FAM24B: variants seen among roughly 807,000 people sequenced by gnomAD.
FAM24B encodes protein FAM24B.
FAM24B carries 3 observed loss-of-function variants against 2.3 expected under a neutral mutation model. The ratio of observed to expected loss-of-function variants is 1.29; its 90% CI spans 0.59 to 3.32. The LOEUF (loss-of-function observed/expected upper bound fraction) is 3.32, where lower values mean the gene tolerates loss of function less well. Among genes scored for constraint, FAM24B ranks in the 30% most tolerant of loss-of-function variants. The probability of loss-of-function intolerance (pLI) is 0.03; values close to 1 mark genes in which losing one functional copy is unlikely to be tolerated. For synonymous variants in FAM24B, 36 were observed against 46.3 expected (o/e 0.78, Z 0.90); for missense variants, 98 against 117.2 (o/e 0.84, Z 0.76).
rs143127941 is a variant in FAM24B at position 122,865,987 on chromosome 10, C to T, written c.-177-10201G>A. On this transcript the variant is annotated intron_variant, in intron 1 of 3. Coordinates refer to ENST00000368898, the MANE Select transcript of FAM24B (RefSeq NM_152644.3). ...GTGCAATCTTGGCTCACTGCAACCT[C>T]TGCCTCCCGGGTTCAAGCGATTCTC... is the stretch of plus-strand genomic sequence containing the variant. Among the ~76,000 whole-genome samples, 1,183 of 151,654 alleles carry T rather than the reference C, an allele frequency of 7.8e-3. 21 individuals are homozygous for T. Among genetic ancestry groups the T allele is most frequent in the African/African-American group, 0.027 (1,128 of 41,330 alleles).
intron 1 of FAM24B, among the ~76,000 whole-genome samples, chr10:122,875,416 G>T (rs1847962079): frequency 6.6e-6 from 1 of 152,182 alleles, no homozygotes; most frequent in African/African-American, 2.4e-5. Context: ...TGCATCATAT[G>T]TAAGAATGGT....
intron 1 of FAM24B, among the ~76,000 whole-genome samples, chr10:122,869,738 A>G (rs1237591452): frequency 1.3e-5 from 2 of 152,230 alleles, no homozygotes; most frequent in Admixed American, 1.3e-4. Context: ...GAAACCAACG[A>G]GAACAAAGAC....
chr10:122,862,964 G>T (rs1204778947), intron 1 of FAM24B, among the ~76,000 whole-genome samples: 1 of 151,934 alleles, frequency 6.6e-6, no homozygotes, highest in East Asian at 1.9e-4. Context: ...TCAAGCAGAA[G>T]GGCCAGCTTG....
intron 1 of FAM24B, 71 bp downstream of exon 1, chr10:122,879,414 C>A (rs991212659): frequency 1.3e-5 from 2 of 152,312 alleles, no homozygotes; most frequent in Non-Finnish European, 2.9e-5. Context: ...AAGGCCCTGG[C>A]GTCCACTCGG....
At chr10:122,867,170 T>C (rs1847816452) in intron 1 of FAM24B, among the ~76,000 whole-genome samples, 1 of 152,208 alleles carries the variant, frequency 6.6e-6, no homozygotes, top group Admixed American at 6.5e-5. Context: ...CCTAACTCTC[T>C]TCAATTCTGT....
At chr10:122,850,219 A>G (rs1014861913) in intron 3 of FAM24B, among the ~76,000 whole-genome samples, 20 of 152,116 alleles carry the variant, frequency 1.3e-4, no homozygotes, top group African/African-American at 4.6e-4. Flanking sequence ...CCCAGCCAGG[A>G]AGAAAAAAAA....
chr10:122,865,778 A>AT (rs562414206), intron 1 of FAM24B, among the ~76,000 whole-genome samples: 130 of 147,670 alleles, frequency 8.8e-4, no homozygotes, highest in Middle Eastern at 3.5e-3. Context: ...GTAATTATTA[A>AT]TTTTTTTTTT....
intron 3 of FAM24B, 66 bp from the exon 4 acceptor site, chr10:122,849,505 G>A: frequency 6.9e-7 from 1 of 1,441,658 alleles, no homozygotes; most frequent in Non-Finnish European, 9.4e-7. Flanking sequence ...TGTTAGAACT[G>A]TTGGGGGGTA....
chr10:122,866,081 T>C (rs1413131420), intron 1 of FAM24B, among the ~76,000 whole-genome samples: 1 of 152,042 alleles, frequency 6.6e-6, no homozygotes, highest in Non-Finnish European at 1.5e-5. Flanking sequence ...TTTTTATTTT[T>C]AGTAGAGATG....
At chr10:122,868,426 TAG>T (rs1247683746) in intron 1 of FAM24B, among the ~76,000 whole-genome samples, 5 of 151,988 alleles carry the variant, frequency 3.3e-5, no homozygotes, top group Non-Finnish European at 7.4e-5. Flanking sequence ...TCAGGAAATA[TAG>T]AGAACGCCAC....
intron 1 of FAM24B, among the ~76,000 whole-genome samples, chr10:122,862,862 A>G (rs1265605073): frequency 6.6e-6 from 1 of 152,084 alleles, no homozygotes; most frequent in Non-Finnish European, 1.5e-5. Context: ...ATTTAGCTAA[A>G]TGACTGTGTA....
At position 122,849,314 on chromosome 10, in the gene FAM24B, C is replaced by T. The variant is rs202000847; in HGVS notation, c.218G>A (p.Gly73Glu). 75 of 1,610,064 alleles carry T rather than the reference C, an allele frequency of 4.7e-5. No homozygotes were observed. The African/African-American group carries it at 8.7e-4, about 19-fold the overall frequency. ...ESCPALQCCE[G>E]YRMCASFDSL... Reference sequence around the variant, plus strand: ...ATCAAAACTGGCACACATTCTATATCCTTCACAGCACTGCAGGGCAGGACA... The same window carrying T: ...ATCAAAACTGGCACACATTCTATATTCTTCACAGCACTGCAGGGCAGGACA... The change falls in exon 4 of 4, where the codon GGA (glycine) becomes GAA (glutamate). Residue 73 changes from glycine to glutamate, a missense_variant. By Grantham distance (98) the Gly-to-Glu change is moderately conservative. Transcript: ENST00000368898.
At chr10:122,861,499 C>G (rs1328166779) in intron 1 of FAM24B, among the ~76,000 whole-genome samples, 1 of 152,194 alleles carries the variant, frequency 6.6e-6, no homozygotes, top group Non-Finnish European at 1.5e-5. Flanking sequence ...TCTACAAAAA[C>G]TTTCTACATT....
chr10:122,872,708 T>C (rs1847916381), intron 1 of FAM24B, among the ~76,000 whole-genome samples: 1 of 152,066 alleles, frequency 6.6e-6, no homozygotes, highest in African/African-American at 2.4e-5. Context: ...ACACCGCATG[T>C]TCTCACTCAT....
In FAM24B at chr10:122,849,256, C is replaced by A; in HGVS notation, c.276G>T (p.Glu92Asp). 6.4e-7 allele frequency: 1 copy of A among 1,561,952 alleles called. No individual in the cohort carries two copies. The highest frequency in any genetic ancestry group is 1.4e-5 in the African/African-American group (1 of 73,330). ...GCCCACCTTTCCTAACTCAGAGGCC[C>A]TCATTTATGTCGCAACAGCAAGGTG... ...SLPPCCCDIN[E>D]GL Residue 92 changes from glutamate (E) to aspartate (D), a missense_variant, in exon 4 of 4, where the codon GAG (glutamate) becomes GAT (aspartate). Transcript: ENST00000368898.
chr10:122,860,896 A>G (rs866311980), intron 1 of FAM24B, among the ~76,000 whole-genome samples: 1 of 151,994 alleles, frequency 6.6e-6, no homozygotes, highest in South Asian at 2.1e-4. Flanking sequence ...TTTATTATTC[A>G]GTTTTTAGAG....
intron 3 of FAM24B, among the ~76,000 whole-genome samples, chr10:122,850,155 G>A (rs1025068083): frequency 2.0e-5 from 3 of 152,104 alleles, no homozygotes; most frequent in Non-Finnish European, 2.9e-5. Context: ...GAGGTCCAGT[G>A]ACAGCCAAGC....
At chr10:122,850,293 G>C in intron 3 of FAM24B, 131 bp downstream of exon 3, 1 of 730,986 alleles carries the variant, frequency 1.4e-6, no homozygotes, top group African/African-American at 1.7e-5. Context: ...ACTTCACCCA[G>C]GGTATGGCCA....
chr10:122,867,950 T>G (rs1390496406), intron 1 of FAM24B, among the ~76,000 whole-genome samples: 1 of 152,174 alleles, frequency 6.6e-6, no homozygotes, highest in African/African-American at 2.4e-5. Flanking sequence ...AGAATGACTT[T>G]GACGAGTTGA....
Sources: gnomAD v4.1 joint callset for allele counts (sites outside exome capture counted in the v4.1 genomes callset) on GRCh38, gnomAD v4.1.1 for gene constraint, MANE v1.5 for transcripts, NCBI Gene and HGNC (gene_info 2026-07-23, HGNC 2026-07-21) for gene names.